Variants in FAM171A1 observed in about 807,000 individuals in gnomAD.
FAM171A1 encodes the protein family with sequence similarity 171 member A1, also known as protein FAM171A1.
A neutral mutation model predicts 74.9 loss-of-function variants in FAM171A1; 23 were observed. That is an observed-to-expected ratio of 0.31 (90% CI 0.22 to 0.44). The LOEUF (loss-of-function observed/expected upper bound fraction) is 0.44, where lower values mean the gene tolerates loss of function less well. FAM171A1 is among the 20% of genes least tolerant of loss of function. FAM171A1 has a pLI of 1.00. For missense variants in FAM171A1, 1,162 were observed against 1,159.2 expected (o/e 1.00, Z -0.03); for synonymous variants, 527 against 505.7 (o/e 1.04, Z -0.57).
At chr10:15,309,501 T>C (rs1835335505) in intron 1 of FAM171A1, among the ~76,000 whole-genome samples, 2 of 152,276 alleles carry the variant, frequency 1.3e-5, no homozygotes, top group African/African-American at 4.8e-5. Flanking sequence ...CCACTGTGCC[T>C]GGGCAAGTTT....
At chr10:15,261,264 G>A (rs1834653157) in intron 3 of FAM171A1, among the ~76,000 whole-genome samples, 2 of 152,202 alleles carry the variant, frequency 1.3e-5, no homozygotes, top group Admixed American at 1.3e-4. Context: ...GGTTGCAGAG[G>A]TTTTCTGTTT....
At chr10:15,262,634 A>G (rs1197620572) in intron 3 of FAM171A1, among the ~76,000 whole-genome samples, 2 of 152,202 alleles carry the variant, frequency 1.3e-5, no homozygotes, top group African/African-American at 2.4e-5. Context: ...GTGCCTGGCA[A>G]GGGGAGGTAT....
At position 15,254,794 on chromosome 10, in the gene FAM171A1, A is replaced by T. The variant is rs1374245189; in HGVS notation, c.504T>A (p.Phe168Leu). The change falls in exon 4 of 8, where the codon TTT (phenylalanine) becomes TTA (leucine). Residue 168 changes from phenylalanine to leucine, a missense_variant. By Grantham distance (22) the Phe-to-Leu change is conservative. Coordinates refer to ENST00000378116, the MANE Select transcript of FAM171A1 (RefSeq NM_001010924.2). ...ENTSYSDLTA[F>L]LTAASSPSEV... ...CCGAAGGGGAGCTGGCGGCCGTGAG[A>T]AACGCGGTCAGGTCACTGTAGCTGG... The T allele has an allele frequency of 1.2e-6, 2 of 1,614,190 alleles. No homozygotes were observed. Among genetic ancestry groups the T allele is most frequent in the Admixed American group, 3.3e-5 (2 of 60,020 alleles).
chr10:15,227,539 T>C (rs1303940190), intron 5 of FAM171A1, among the ~76,000 whole-genome samples: 1 of 152,126 alleles, frequency 6.6e-6, no homozygotes, highest in East Asian at 1.9e-4. Flanking sequence ...CGTGCTACCA[T>C]GCCCAACTAA....
intron 3 of FAM171A1, among the ~76,000 whole-genome samples, chr10:15,272,182 T>G (rs1196427630): frequency 3.3e-5 from 5 of 151,992 alleles, no homozygotes; most frequent in Non-Finnish European, 1.5e-5. Context: ...AATAAAGGGA[T>G]GGAGGAAGAT....
At chr10:15,367,155 C>T (rs972573414) in intron 1 of FAM171A1, among the ~76,000 whole-genome samples, 11 of 152,116 alleles carry the variant, frequency 7.2e-5, no homozygotes, top group Middle Eastern at 3.2e-3. Context: ...GTTGAGATCA[C>T]GCCACTGCAC....
intron 5 of FAM171A1, among the ~76,000 whole-genome samples, chr10:15,236,165 C>A (rs574599281): frequency 1.3e-5 from 2 of 152,116 alleles, no homozygotes; most frequent in South Asian, 2.1e-4. Context: ...GGTATGGGCC[C>A]CGACCAATCA....
rs533199749 is a variant in FAM171A1, at chr10:15,355,693, C to T, written c.97+15263G>A. On this transcript the variant is annotated intron_variant, in intron 1 of 7. Transcript: ENST00000378116. ...TTGTGCCACTGCACTTCAGCCTGGG[C>T]GACAGAGCAAGACTCCATCTCAAAA... 7.9e-5 allele frequency among the ~76,000 whole-genome samples: 12 copies of T among 151,844 alleles called. No homozygotes were observed. The South Asian group carries it at 1.5e-3, about 19-fold the overall frequency.
intron 1 of FAM171A1, among the ~76,000 whole-genome samples, chr10:15,343,374 G>C (rs896018836): frequency 2.0e-5 from 3 of 152,134 alleles, no homozygotes; most frequent in African/African-American, 7.2e-5. Flanking sequence ...CCTAAGGAGA[G>C]ACAGACATGA....
chr10:15,221,717 C>T (rs1564614218), intron 5 of FAM171A1, among the ~76,000 whole-genome samples: 1 of 151,930 alleles, frequency 6.6e-6, no homozygotes, highest in South Asian at 2.1e-4. Context: ...TCACAGCATA[C>T]GTGTCTTATA....
At chr10:15,318,041 C>T (rs918593963) in intron 1 of FAM171A1, among the ~76,000 whole-genome samples, 3 of 152,204 alleles carry the variant, frequency 2.0e-5, no homozygotes, top group Non-Finnish European at 2.9e-5. Flanking sequence ...GTGATCCTCC[C>T]GCCTGGCTTC....
intron 2 of FAM171A1, among the ~76,000 whole-genome samples, chr10:15,278,072 T>G (rs760840865): frequency 1.3e-5 from 2 of 152,168 alleles, no homozygotes; most frequent in Non-Finnish European, 2.9e-5. Context: ...TGCTGGCTCT[T>G]AGTGCCATAG....
chr10:15,236,133 C>T (rs959767843), intron 5 of FAM171A1, among the ~76,000 whole-genome samples: 26 of 152,098 alleles, frequency 1.7e-4, no homozygotes, highest in Admixed American at 3.3e-4. Flanking sequence ...AATGATGTTT[C>T]CAAATATGGA....
chr10:15,219,150 C>T (rs908628529), intron 6 of FAM171A1, among the ~76,000 whole-genome samples: 5 of 152,142 alleles, frequency 3.3e-5, no homozygotes, highest in Admixed American at 2.0e-4. Flanking sequence ...GGTGTGGCGG[C>T]GGAGACCTGT....
chr10:15,240,976 C>G (rs574374551), intron 5 of FAM171A1, among the ~76,000 whole-genome samples: 16 of 152,180 alleles, frequency 1.1e-4, no homozygotes, highest in Admixed American at 4.6e-4. Context: ...CCCAGGAGTT[C>G]TAGCTCCGAT....
chr10:15,273,076 C>A (rs1834847596), intron 3 of FAM171A1, among the ~76,000 whole-genome samples: 1 of 151,974 alleles, frequency 6.6e-6, no homozygotes, highest in African/African-American at 2.4e-5. Flanking sequence ...ACACAAAAAA[C>A]CCTTCAAAAA....
intron 1 of FAM171A1, among the ~76,000 whole-genome samples, chr10:15,326,746 G>A (rs987596455): frequency 3.9e-5 from 6 of 152,100 alleles, no homozygotes; most frequent in African/African-American, 1.4e-4. Context: ...TGCTCCCTCA[G>A]CCTCCCAGGT....
In FAM171A1 at chr10:15,231,151, CTA is replaced by C. The variant is rs1301600610; in HGVS notation, c.755-10093_755-10092del. Among the ~76,000 whole-genome samples the C allele has an allele frequency of 2.0e-5, 3 of 152,240 alleles. No individual in the cohort carries two copies. In the East Asian group the frequency reaches 5.8e-4, roughly 29 times the overall value. On this transcript the variant is annotated intron_variant, in intron 5 of 7. Coordinates refer to ENST00000378116, the MANE Select transcript of FAM171A1 (RefSeq NM_001010924.2). ...AGAGCTTGTTGACACAGAGATCTTG[CTA>C]AGTGCAGGTTCTGATCCAGAGGTCT...
chr10:15,325,131 G>A (rs923214424), intron 1 of FAM171A1, among the ~76,000 whole-genome samples: 4 of 152,210 alleles, frequency 2.6e-5, no homozygotes, highest in African/African-American at 9.7e-5. Flanking sequence ...CCTCTTTGGT[G>A]CAAAATGTAT....
Sources: allele counts gnomAD v4.1 joint callset (sites outside exome capture counted in the v4.1 genomes callset), GRCh38; gene constraint gnomAD v4.1.1; transcripts MANE v1.5; gene names NCBI Gene and HGNC (gene_info 2026-07-23, HGNC 2026-07-21).